The following PCDH11Y variants were observed in gnomAD, a reference collection of about 807,000 sequenced individuals.
PCDH11Y encodes the protein protocadherin 11 Y-linked.
For synonymous variants in PCDH11Y, 9 were observed against 83.6 expected, an observed-to-expected ratio of 0.11 and a Z score of 4.87; for missense variants, 12 against 224.8, an observed-to-expected ratio of 0.05 and a Z score of 6.05.
At chrY:5,178,791 G>A (rs2052896525) in intron 2 of PCDH11Y, among the ~76,000 whole-genome samples, 1 of 31,196 alleles carries the variant, frequency 3.2e-5, no homozygotes, top group Admixed American at 3.0e-4. Context: ...CCCCTACCAC[G>A]ACAGGCCCCA....
chrY:5,037,579 C>CA (rs766632658), intron 3 of PCDH11Y: 5 of 110,778 alleles, frequency 4.5e-5, no homozygotes, highest in South Asian at 4.2e-5. Flanking sequence ...CACCCCCCAC[C>CA]AAAAAAAAAT....
chrY:5,285,605 A>T, intron 2 of PCDH11Y, among the ~76,000 whole-genome samples: 2 of 33,721 alleles, frequency 5.9e-5, no homozygotes, highest in African/African-American at 1.2e-4. Context: ...TCTTACTGGC[A>T]TGCAATAGTA....
intron 4 of PCDH11Y, among the ~76,000 whole-genome samples, chrY:5,705,490 T>G (rs2053582292): frequency 3.2e-5 from 1 of 31,186 alleles, no homozygotes; most frequent in African/African-American, 1.3e-4. Flanking sequence ...TAATTTAACC[T>G]AAAATACAAT....
chrY:5,703,554 G>T (rs1160241661), intron 4 of PCDH11Y, among the ~76,000 whole-genome samples: 5 of 33,095 alleles, frequency 1.5e-4, no homozygotes, highest in Non-Finnish European at 3.7e-4. Flanking sequence ...TTTTCCCAAA[G>T]AAATTAAACA....
chrY:5,196,564 A>G, intron 2 of PCDH11Y, among the ~76,000 whole-genome samples: 1 of 32,128 alleles, frequency 3.1e-5, no homozygotes, highest in Non-Finnish European at 7.6e-5. Context: ...ATATACTTGA[A>G]AATTGCTGAA....
At position 5,385,209 on chromosome Y, in the gene PCDH11Y, TTTTGTGGGGA is replaced by T; in HGVS notation, c.3130-115842_3130-115833del. Among the ~76,000 whole-genome samples the T allele has an allele frequency of 1.2e-4, 3 of 25,595 alleles. No homozygotes were observed. The South Asian group carries it at 3.1e-3, about 26-fold the overall frequency. The allele number at this position is 25,595 out of a possible 37,273, so 68.7% of individuals were successfully genotyped here. ...GGTATTTAGTTACATGAGTAAGTTC[TTTTGTGGGGA>T]TTTGTTAGATTTTTGTGCACGAATC... On this transcript the variant is annotated intron_variant, in intron 2 of 4. Coordinates refer to the PCDH11Y transcript ENST00000400457.
rs1602905008 is a variant in PCDH11Y, at chrY:5,327,043, G to A, written c.3130-174014G>A. 1.5e-4 allele frequency among the ~76,000 whole-genome samples: 5 copies of A among 32,957 alleles called. No individual in the cohort carries two copies. In the East Asian group the frequency reaches 4.1e-3, roughly 27 times the overall value. 88.4% of individuals were successfully genotyped at this position (32,957 alleles called of 37,273 possible). On this transcript the variant is annotated intron_variant, in intron 2 of 4. Coordinates refer to the PCDH11Y transcript ENST00000400457. ...GGGATTGAGGTTTGGGAGATTAATC[G>A]GACACGATCAGCAGGGAAAGCACGT...
chrY:5,069,915 G>A (rs2052696764), intron 1 of PCDH11Y, among the ~76,000 whole-genome samples: 2 of 33,213 alleles, frequency 6.0e-5, no homozygotes, highest in African/African-American at 2.3e-4. Context: ...ACAAAACATG[G>A]TGTCACCAAT....
chrY:5,377,342 C>A (rs2053198616), intron 2 of PCDH11Y, among the ~76,000 whole-genome samples: 1 of 29,836 alleles, frequency 3.4e-5, no homozygotes, highest in Non-Finnish European at 7.9e-5. Context: ...AATTATAATG[C>A]AAAGTAGTAG....
intron 2 of PCDH11Y, among the ~76,000 whole-genome samples, chrY:5,244,750 G>A: frequency 5.9e-5 from 2 of 34,097 alleles, no homozygotes; most frequent in Admixed American, 2.6e-4. Context: ...CCGTGGGAGC[G>A]CAGCCAGCAT....
At chrY:5,320,175 A>C in intron 2 of PCDH11Y, among the ~76,000 whole-genome samples, 1 of 33,446 alleles carries the variant, frequency 3.0e-5, no homozygotes. Flanking sequence ...AAACAATAAA[A>C]AATTCTAATT....
chrY:5,643,867 T>A, intron 4 of PCDH11Y, among the ~76,000 whole-genome samples: 3 of 31,682 alleles, frequency 9.5e-5, no homozygotes, highest in African/African-American at 3.8e-4. Flanking sequence ...CAATTACTAA[T>A]TAAATTTATC....
chrY:5,185,206 A>G, intron 2 of PCDH11Y, among the ~76,000 whole-genome samples: 1 of 31,893 alleles, frequency 3.1e-5, no homozygotes, highest in Non-Finnish European at 7.6e-5. Context: ...CAGCCTCCCA[A>G]ATAGCTGGGA....
intron 4 of PCDH11Y, among the ~76,000 whole-genome samples, chrY:5,678,241 T>C (rs2053555213): frequency 3.0e-5 from 1 of 33,136 alleles, no homozygotes; most frequent in East Asian, 7.9e-4. Flanking sequence ...AAAATTTCCA[T>C]TGGGCATCTA....
At chrY:5,560,565 C>A in intron 3 of PCDH11Y, among the ~76,000 whole-genome samples, 2 of 32,468 alleles carry the variant, frequency 6.2e-5, no homozygotes, top group African/African-American at 2.4e-4. Context: ...TGCATCCCAG[C>A]CACTCCAGCC....
intron 3 of PCDH11Y, among the ~76,000 whole-genome samples, chrY:5,581,366 T>C (rs2053450836): frequency 3.0e-5 from 1 of 32,955 alleles, no homozygotes; most frequent in Non-Finnish European, 7.6e-5. Flanking sequence ...TCAAAAACAA[T>C]GTCTTTCCTT....
chrY:5,020,585 CTT>C (rs2052568286), intron 1 of PCDH11Y, among the ~76,000 whole-genome samples: 1 of 33,296 alleles, frequency 3.0e-5, no homozygotes, highest in East Asian at 7.8e-4. Context: ...AATAATGACT[CTT>C]TAACAATTTG....
intron 3 of PCDH11Y, among the ~76,000 whole-genome samples, chrY:5,049,099 T>G: frequency 6.3e-5 from 2 of 31,809 alleles, no homozygotes; most frequent in African/African-American, 2.5e-4. Context: ...GTTTCAATTG[T>G]CTGCACATGG....
intron 2 of PCDH11Y, among the ~76,000 whole-genome samples, chrY:5,263,412 T>C (rs2053021958): frequency 3.2e-5 from 1 of 31,210 alleles, no homozygotes; most frequent in Non-Finnish European, 7.8e-5. Flanking sequence ...CTGCACAAGC[T>C]CTCTTCTCTT....
Sources: allele counts gnomAD v4.1 joint callset (sites outside exome capture counted in the v4.1 genomes callset), GRCh38; gene constraint gnomAD v4.1.1; transcripts MANE v1.5; gene names NCBI Gene and HGNC (gene_info 2026-07-23, HGNC 2026-07-21).